The following NYAP2 variants were observed in gnomAD, a reference collection of about 807,000 sequenced individuals.
NYAP2 encodes neuronal tyrosine-phosphorylated phosphoinositide-3-kinase adapter 2.
NYAP2 carries 23 observed loss-of-function variants against 50.4 expected under a neutral mutation model. That is an observed-to-expected ratio of 0.46 (90% CI 0.33 to 0.65). The LOEUF is 0.65. NYAP2 is among the 30% of genes least tolerant of loss of function. The probability of loss-of-function intolerance (pLI) is 0.02; values close to 1 mark genes in which losing one functional copy is unlikely to be tolerated. For missense variants in NYAP2, 885 were observed against 861.0 expected, an observed-to-expected ratio of 1.03 and a Z score of -0.35; for synonymous variants, 394 against 365.2, an observed-to-expected ratio of 1.08 and a Z score of -0.90.
intron 6 of NYAP2, among the ~76,000 whole-genome samples, chr2:225,629,714 C>G (rs1054425388): frequency 7.2e-5 from 11 of 152,124 alleles, no homozygotes; most frequent in Non-Finnish European, 1.5e-4. Flanking sequence ...AGAGGCAAAA[C>G]TCAACGGGCA....
the NYAP2 span, among the ~76,000 whole-genome samples, chr2:225,665,254 G>T: frequency 3.3e-5 from 5 of 151,618 alleles, no homozygotes; most frequent in African/African-American, 1.2e-4. Flanking sequence ...CTAAACACAT[G>T]GAGACCTCCT....
At chr2:225,506,971 A>G (rs1485055994) in intron 3 of NYAP2, among the ~76,000 whole-genome samples, 2 of 152,196 alleles carry the variant, frequency 1.3e-5, no homozygotes, top group Non-Finnish European at 2.9e-5. Flanking sequence ...AGGTAGAAAT[A>G]CACTGGAGTA....
At chr2:225,473,160 AG>A (rs1413206340) in intron 3 of NYAP2, among the ~76,000 whole-genome samples, 3 of 152,226 alleles carry the variant, frequency 2.0e-5, no homozygotes, top group African/African-American at 7.2e-5. Flanking sequence ...ATGGCTGCAT[AG>A]TATTCCATGG....
At chr2:225,485,159 G>C (rs1318440935) in intron 3 of NYAP2, among the ~76,000 whole-genome samples, 1 of 152,192 alleles carries the variant, frequency 6.6e-6, no homozygotes, top group Non-Finnish European at 1.5e-5. Flanking sequence ...CCCCCATACT[G>C]TTCTCTCGTG....
intron 3 of NYAP2, among the ~76,000 whole-genome samples, chr2:225,500,297 T>C (rs1220568884): frequency 6.6e-6 from 1 of 152,202 alleles, no homozygotes; most frequent in Non-Finnish European, 1.5e-5. Flanking sequence ...AAGGGTAAGT[T>C]TAAGTTGCAT....
intron 3 of NYAP2, among the ~76,000 whole-genome samples, chr2:225,446,226 C>G (rs1216159197): frequency 1.7e-4 from 16 of 96,942 alleles, no homozygotes; most frequent in South Asian, 8.3e-4. Context: ...GTCTCTCTCT[C>G]TCTCTCTCTC....
chr2:225,624,133 T>C (rs1019322451), intron 5 of NYAP2, among the ~76,000 whole-genome samples: 14 of 152,238 alleles, frequency 9.2e-5, no homozygotes, highest in Non-Finnish European at 1.5e-4. Context: ...ATTTTTTCTT[T>C]CTATAAATAC....
rs574841925 is a variant in NYAP2, at chr2:225,469,256, T to C, written c.222-44115T>C. On this transcript the variant is annotated intron_variant, in intron 3 of 6. Transcript: ENST00000636099. ...GACATTTATGCAGCCAACAAACATA[T>C]GAAAAAATGCTTGTCATCACTGGTT... is the stretch of plus-strand genomic sequence containing the variant. Among the ~76,000 whole-genome samples, 3 of 152,156 alleles carry C rather than the reference T, an allele frequency of 2.0e-5. No individual in the cohort carries two copies. The South Asian group carries it at 6.2e-4, about 32-fold the overall frequency.
chr2:225,563,516 T>C (rs917606726), intron 4 of NYAP2, among the ~76,000 whole-genome samples: 7 of 152,092 alleles, frequency 4.6e-5, no homozygotes, highest in Non-Finnish European at 1.0e-4. Flanking sequence ...CATAGAAGGC[T>C]ATGTGTACTG....
intron 4 of NYAP2, among the ~76,000 whole-genome samples, chr2:225,566,003 C>T (rs763004304): frequency 6.6e-6 from 1 of 152,076 alleles, no homozygotes; most frequent in Non-Finnish European, 1.5e-5. Flanking sequence ...GCCAGCTCAC[C>T]CATGTTCACA....
At chr2:225,656,904 A>G (rs1228783013), downstream of NYAP2, among the ~76,000 whole-genome samples, 3 of 151,662 alleles carry the variant, frequency 2.0e-5, no homozygotes, top group Admixed American at 6.6e-5. Flanking sequence ...TCTTTTCTCA[A>G]ACAATTTGAT....
chr2:225,484,928 C>G (rs1229462132), intron 3 of NYAP2, among the ~76,000 whole-genome samples: 2 of 152,190 alleles, frequency 1.3e-5, no homozygotes, highest in African/African-American at 4.8e-5. Context: ...ATCAGAAACC[C>G]TAAGGGTGAG....
chr2:225,512,225 C>A (rs1016101982), intron 3 of NYAP2, among the ~76,000 whole-genome samples: 6 of 152,108 alleles, frequency 3.9e-5, no homozygotes, highest in South Asian at 4.1e-4. Flanking sequence ...TTTGTTCAAA[C>A]TTTCCTATGT....
intron 3 of NYAP2, among the ~76,000 whole-genome samples, chr2:225,445,422 A>C (rs1394701731): frequency 6.6e-6 from 1 of 151,976 alleles, no homozygotes; most frequent in Non-Finnish European, 1.5e-5. Context: ...AATATTTCTG[A>C]TGCTTAATTT....
intron 4 of NYAP2, among the ~76,000 whole-genome samples, chr2:225,553,290 T>C (rs1418235148): frequency 6.6e-6 from 1 of 152,158 alleles, no homozygotes; most frequent in East Asian, 1.9e-4. Flanking sequence ...TCCCCCTAGT[T>C]CCCCCTCTCT....
intron 5 of NYAP2, among the ~76,000 whole-genome samples, chr2:225,617,654 A>G (rs918708896): frequency 2.6e-5 from 4 of 152,240 alleles, no homozygotes; most frequent in Non-Finnish European, 4.4e-5. Flanking sequence ...CAGGCAAATT[A>G]CTTGTTTTTT....
intron 3 of NYAP2, among the ~76,000 whole-genome samples, chr2:225,498,604 T>C (rs541628760): frequency 1.3e-5 from 2 of 152,108 alleles, no homozygotes; most frequent in African/African-American, 4.8e-5. Flanking sequence ...AATGCATTAT[T>C]GCTAGGGAAA....
the NYAP2 span, among the ~76,000 whole-genome samples, chr2:225,685,075 T>C: frequency 6.6e-6 from 1 of 152,198 alleles, no homozygotes; most frequent in Non-Finnish European, 1.5e-5. Flanking sequence ...AGAAAAAACA[T>C]ATTTTACAGG....
intron 2 of NYAP2, among the ~76,000 whole-genome samples, chr2:225,406,109 T>C (rs952547231): frequency 7.5e-6 from 1 of 133,708 alleles, no homozygotes; most frequent in Non-Finnish European, 1.5e-5. Flanking sequence ...CCAACCACTA[T>C]TTTTTTTTTT....
Sources: allele counts gnomAD v4.1 joint callset (sites outside exome capture counted in the v4.1 genomes callset), GRCh38; gene constraint gnomAD v4.1.1; transcripts MANE v1.5; gene names NCBI Gene and HGNC (gene_info 2026-07-23, HGNC 2026-07-21).